GALNT2: variants seen among roughly 807,000 people sequenced by gnomAD.
The protein encoded by GALNT2 is polypeptide N-acetylgalactosaminyltransferase 2, also known as UDP-GalNAc:polypeptide N-acetylgalactosaminyltransferase 2.
Under a neutral mutation model 81.4 loss-of-function variants are expected in GALNT2, and 31 were observed. The ratio of observed to expected loss-of-function variants is 0.38; its 90% CI spans 0.29 to 0.51. The LOEUF (loss-of-function observed/expected upper bound fraction) is 0.51. Among genes scored for constraint, GALNT2 ranks in the 20% least tolerant of loss-of-function variants. The pLI is 0.87. For synonymous variants in GALNT2, 303 were observed against 287.4 expected, an observed-to-expected ratio of 1.05 and a Z score of -0.55; for missense variants, 629 against 765.7, an observed-to-expected ratio of 0.82 and a Z score of 2.11.
chr1:230,224,947 G>A (rs961601429), intron 3 of GALNT2, among the ~76,000 whole-genome samples: 3 of 152,252 alleles, frequency 2.0e-5, no homozygotes, highest in African/African-American at 7.2e-5. Flanking sequence ...GAATAATTTC[G>A]AAGTGAGACA....
At chr1:230,204,294 G>A (rs1056487824) in intron 3 of GALNT2, among the ~76,000 whole-genome samples, 2 of 151,786 alleles carry the variant, frequency 1.3e-5, no homozygotes, top group East Asian at 1.9e-4. Flanking sequence ...TCAGCCTCCC[G>A]AGTATCTGGA....
At chr1:230,262,816 C>T (rs111894007) in intron 12 of GALNT2, 106 bp from the exon 13 acceptor site, 152 of 1,324,714 alleles carry the variant, frequency 1.1e-4, no homozygotes, top group Non-Finnish European at 1.6e-4. Flanking sequence ...GTCCACACCA[C>T]ACCACCTGCC....
intron 1 of GALNT2, among the ~76,000 whole-genome samples, chr1:230,116,022 C>G (rs1167158540): frequency 6.6e-6 from 1 of 152,214 alleles, no homozygotes; most frequent in Non-Finnish European, 1.5e-5. Flanking sequence ...CTTCTCCACT[C>G]TAGTCTTGAA....
At chr1:230,163,914 C>T (rs1033630321) in intron 1 of GALNT2, among the ~76,000 whole-genome samples, 2 of 152,114 alleles carry the variant, frequency 1.3e-5, no homozygotes, top group African/African-American at 4.8e-5. Flanking sequence ...GTCTGTCTGT[C>T]CCAGAACTGG....
chr1:230,067,894 G>A (rs1414030373), intron 1 of GALNT2, among the ~76,000 whole-genome samples: 1 of 152,232 alleles, frequency 6.6e-6, no homozygotes, highest in African/African-American at 2.4e-5. Flanking sequence ...TCCGCGGGGC[G>A]TGGGTTCCGT....
At chr1:230,166,506 T>G (rs146490577) in intron 1 of GALNT2, among the ~76,000 whole-genome samples, 1 of 152,336 alleles carries the variant, frequency 6.6e-6, no homozygotes, top group Non-Finnish European at 1.5e-5. Context: ...AATGCCTGCT[T>G]TATCAGTCCT....
intron 1 of GALNT2, among the ~76,000 whole-genome samples, chr1:230,092,759 G>A (rs940751772): frequency 3.3e-5 from 5 of 152,222 alleles, no homozygotes; most frequent in Non-Finnish European, 4.4e-5. Flanking sequence ...AAAAAGATTC[G>A]AGGCCGCTTA....
intron 3 of GALNT2, among the ~76,000 whole-genome samples, chr1:230,232,900 G>A (rs1242298703): frequency 6.6e-6 from 1 of 152,086 alleles, no homozygotes; most frequent in Non-Finnish European, 1.5e-5. Flanking sequence ...AGACAACCGT[G>A]AACAGTTTCC....
rs1666271704 is a variant in GALNT2 at position 230,275,449 on chromosome 1, CACATATAT to C, written c.1560+897_1560+904del. 6.7e-6 allele frequency among the ~76,000 whole-genome samples: 1 copy of C among 149,778 alleles called. No individual in the cohort carries two copies. Among genetic ancestry groups the C allele is most frequent in the African/African-American group, 2.5e-5 (1 of 40,604 alleles). ...ATACACACCACATATATATACACGC[CACATATAT>C]ACATATATACAAACACCACATATAT... is the stretch of plus-strand genomic sequence containing the variant. On this transcript the variant is annotated intron_variant, in intron 15 of 15. Coordinates refer to ENST00000366672, the MANE Select transcript of GALNT2 (RefSeq NM_004481.5). The surrounding 1 kb of genome is among the most constrained non-coding windows in gnomAD (Gnocchi z 5.5).
At chr1:230,091,109 C>G (rs1169559619) in intron 1 of GALNT2, among the ~76,000 whole-genome samples, 1 of 151,798 alleles carries the variant, frequency 6.6e-6, no homozygotes, top group Non-Finnish European at 1.5e-5. Flanking sequence ...ATCTCTGTTG[C>G]CCAGGCTGGA....
At chr1:230,214,612 T>C (rs1007033850) in intron 3 of GALNT2, among the ~76,000 whole-genome samples, 1 of 152,220 alleles carries the variant, frequency 6.6e-6, no homozygotes, top group Non-Finnish European at 1.5e-5. Context: ...TTTCAGCAAT[T>C]TTGCCATAAT....
rs994574299 is a variant in GALNT2, at chr1:230,281,357, G to C, written c.*1899G>C. 2 of 152,264 alleles carry C rather than the reference G, an allele frequency of 1.3e-5. No individual in the cohort carries two copies. Among genetic ancestry groups the C allele is most frequent in the African/African-American group, 4.8e-5 (2 of 41,406 alleles). 9.4% of individuals were successfully genotyped at this position (152,264 alleles called of 1,614,324 possible). A position where few individuals can be genotyped will look rare whatever the true frequency, so the allele number is the denominator to read the frequency against. ...CGCTGGAGTAACTCCGCACGCTTCT[G>C]TCTTTCACGGTGGGCGCTCGGGGGG... On this transcript the variant is annotated 3_prime_UTR_variant, in exon 16 of 16. Transcript: ENST00000366672.
chr1:230,226,965 T>C lies in GALNT2; in HGVS notation c.375-9049T>C, dbSNP rs141136237. Among the ~76,000 whole-genome samples the C allele has an allele frequency of 4.8e-4, 73 of 152,282 alleles. 1 individual carries two copies. The East Asian group carries it at 0.014, about 29-fold the overall frequency. ...AACTAAAAATCCAGTGGAGAGTATATATAAAGCTTCATCTTTAAAAAATAT... is the reference window on the plus strand; with the variant it reads ...AACTAAAAATCCAGTGGAGAGTATACATAAAGCTTCATCTTTAAAAAATAT... On this transcript the variant is annotated intron_variant, in intron 3 of 15. Coordinates refer to ENST00000366672, the MANE Select transcript of GALNT2 (RefSeq NM_004481.5).
At position 230,098,657 on chromosome 1, in the gene GALNT2, T is replaced by C. The variant is rs533744151; in HGVS notation, c.126+31251T>C. Among the ~76,000 whole-genome samples, 203 of 152,046 alleles carry C rather than the reference T, an allele frequency of 1.3e-3. 2 individuals are homozygous for C. The highest frequency in any genetic ancestry group is 4.7e-3 in the African/African-American group (196 of 41,450). ...GGAGGAGTGGTTCCAAAGGGATACG[T>C]AGGACAATTGAAGTAAGATAACATC... is the stretch of plus-strand genomic sequence containing the variant. On this transcript the variant is annotated intron_variant, in intron 1 of 15. Transcript: ENST00000366672.
chr1:230,175,636 CTTT>C (rs1662955484), intron 1 of GALNT2, among the ~76,000 whole-genome samples: 1 of 137,320 alleles, frequency 7.3e-6, no homozygotes, highest in Non-Finnish European at 1.6e-5. Context: ...CCTCCTCCTC[CTTT>C]CCCTCTCCCC....
intron 1 of GALNT2, among the ~76,000 whole-genome samples, chr1:230,139,905 TG>T (rs1296256975): frequency 6.6e-6 from 1 of 152,234 alleles, no homozygotes; most frequent in Non-Finnish European, 1.5e-5. Flanking sequence ...AATTGTCCTG[TG>T]GGCTGGTCAT....
chr1:230,203,826 CT>C (rs942408164), intron 3 of GALNT2, among the ~76,000 whole-genome samples: 3 of 152,022 alleles, frequency 2.0e-5, no homozygotes, highest in African/African-American at 7.3e-5. Context: ...TTGTCCACAT[CT>C]TTCTTTCTAT....
At chr1:230,075,762 A>T (rs1659531722) in intron 1 of GALNT2, among the ~76,000 whole-genome samples, 1 of 152,130 alleles carries the variant, frequency 6.6e-6, no homozygotes, top group Non-Finnish European at 1.5e-5. Context: ...CTGTGGAAAA[A>T]ATAGAGCAGT....
At chr1:230,089,475 G>C (rs529858003) in intron 1 of GALNT2, among the ~76,000 whole-genome samples, 1 of 152,240 alleles carries the variant, frequency 6.6e-6, no homozygotes, top group African/African-American at 2.4e-5. Flanking sequence ...GAACAGTTCA[G>C]TGACATTGTG....
Sources: allele counts gnomAD v4.1 joint callset (sites outside exome capture counted in the v4.1 genomes callset), GRCh38; gene constraint gnomAD v4.1.1; non-coding constraint Gnocchi (gnomAD v3.1); transcripts MANE v1.5; gene names NCBI Gene and HGNC (gene_info 2026-07-23, HGNC 2026-07-21).